The following ANTXR2 variants were observed in gnomAD, a reference collection of about 807,000 sequenced individuals.
The protein encoded by ANTXR2 is anthrax toxin receptor 2.
A neutral mutation model predicts 73.7 loss-of-function variants in ANTXR2; 44 were observed. The ratio of observed to expected loss-of-function variants is 0.60; its 90% CI spans 0.47 to 0.77. The LOEUF (loss-of-function observed/expected upper bound fraction) is 0.77. Among genes scored for constraint, ANTXR2 ranks in the 30% least tolerant of loss-of-function variants. The pLI is 0.00. For missense variants in ANTXR2, 604 were observed against 592.5 expected (o/e 1.02, Z -0.20); for synonymous variants, 217 against 205.9 (o/e 1.05, Z -0.46).
intron 14 of ANTXR2, among the ~76,000 whole-genome samples, chr4:79,983,264 C>T (rs1560937922): frequency 6.6e-6 from 1 of 151,896 alleles, no homozygotes; most frequent in Admixed American, 6.6e-5. Flanking sequence ...TAATATATCA[C>T]TTTGAAAAAA....
intron 3 of ANTXR2, among the ~76,000 whole-genome samples, chr4:80,067,333 G>C (rs892640461): frequency 6.6e-6 from 1 of 152,158 alleles, no homozygotes; most frequent in Non-Finnish European, 1.5e-5. Flanking sequence ...CCTTCCATGC[G>C]TATCTAAGCA....
intron 10 of ANTXR2, among the ~76,000 whole-genome samples, chr4:80,019,190 A>C (rs1484120308): frequency 2.0e-5 from 3 of 152,088 alleles, no homozygotes; most frequent in Admixed American, 1.3e-4. Context: ...AACATAGTGA[A>C]ACCCCATCTC....
At chr4:80,070,143 C>A (rs1277791504) in intron 2 of ANTXR2, among the ~76,000 whole-genome samples, 3 of 152,204 alleles carry the variant, frequency 2.0e-5, no homozygotes, top group Non-Finnish European at 4.4e-5. Context: ...CTCGGACACT[C>A]TCTGCAACTA....
At chr4:79,980,334 T>G (rs1294670104) in intron 14 of ANTXR2, among the ~76,000 whole-genome samples, 1 of 152,134 alleles carries the variant, frequency 6.6e-6, no homozygotes, top group African/African-American at 2.4e-5. Flanking sequence ...TAAAAACAAT[T>G]AAATATACAT....
chr4:79,978,192 A>G lies in ANTXR2; in HGVS notation c.1180-18T>C. The G allele has an allele frequency of 6.2e-7, 1 of 1,612,300 alleles. No individual in the cohort carries two copies. The highest frequency in any genetic ancestry group is 8.5e-7 in the Non-Finnish European group (1 of 1,178,914). On this transcript the variant is annotated intron_variant, in intron 14 of 16. Transcript: ENST00000403729. ...CAACGAACCTGTAAAACAAAGGGAGAGTACTGTTATCAGACATAAAGTGTC... is the reference window on the plus strand; with the variant it reads ...CAACGAACCTGTAAAACAAAGGGAGGGTACTGTTATCAGACATAAAGTGTC...
Position 79,983,952 on chromosome 4 carries a change from G to T in ANTXR2, c.1105C>A (p.Pro369Thr). 1 of 1,597,970 alleles carries T rather than the reference G, an allele frequency of 6.3e-7. No homozygotes were observed. The highest frequency in any genetic ancestry group is 1.2e-5 in the South Asian group (1 of 86,884). The change falls in exon 14 of 17, where the codon CCT (proline) becomes ACT (threonine). Residue 369 changes from proline (P) to threonine (T), a missense_variant. Transcript: ENST00000403729. ...APKEEEEEPL[P>T]TKKWPTVDAS... ...TCCACAGTTGGCCACTTTTTAGTAG[G>T]CAAAGGTTCTTCTTCCTCCTGTGGA...
intron 16 of ANTXR2, among the ~76,000 whole-genome samples, chr4:79,948,622 T>A (rs1006897223): frequency 2.0e-5 from 3 of 152,142 alleles, no homozygotes; most frequent in Non-Finnish European, 4.4e-5. Context: ...ACCCATTCAA[T>A]AAATATACAC....
intron 3 of ANTXR2, among the ~76,000 whole-genome samples, chr4:80,069,231 C>T (rs978316723): frequency 3.3e-5 from 5 of 152,156 alleles, no homozygotes; most frequent in African/African-American, 1.2e-4. Context: ...ACTGCACATT[C>T]CACAGCCACT....
intron 7 of ANTXR2, among the ~76,000 whole-genome samples, chr4:80,049,227 T>G (rs1733663686): frequency 6.6e-6 from 1 of 151,784 alleles, no homozygotes; most frequent in African/African-American, 2.4e-5. Context: ...CTTTCCATAT[T>G]ATTCACCAAT....
At chr4:80,040,137 A>G (rs1238858828) in intron 7 of ANTXR2, among the ~76,000 whole-genome samples, 1 of 151,848 alleles carries the variant, frequency 6.6e-6, no homozygotes, top group Non-Finnish European at 1.5e-5. Context: ...AGGAAGAGAG[A>G]TGAGGGTTGA....
chr4:79,920,873 A>C (rs1246811433), intron 16 of ANTXR2, among the ~76,000 whole-genome samples: 1 of 152,154 alleles, frequency 6.6e-6, no homozygotes, highest in East Asian at 1.9e-4. Flanking sequence ...TGTACAACAC[A>C]AAACAAGCAA....
chr4:79,937,183 A>G (rs4690128), intron 16 of ANTXR2, among the ~76,000 whole-genome samples: 3 of 152,154 alleles, frequency 2.0e-5, no homozygotes, highest in African/African-American at 7.2e-5. Context: ...CATTAAAAAA[A>G]CCAGGTGCCT....
At chr4:80,029,740 T>A (rs1732602395) in intron 10 of ANTXR2, among the ~76,000 whole-genome samples, 1 of 151,788 alleles carries the variant, frequency 6.6e-6, no homozygotes, top group African/African-American at 2.4e-5. Context: ...TAGACTAAGT[T>A]CACATACAGT....
chr4:80,031,813 TA>T (rs1490508262), intron 9 of ANTXR2, 121 bp from the exon 10 acceptor site: 9 of 465,574 alleles, frequency 1.9e-5, no homozygotes, highest in Non-Finnish European at 2.9e-5. Flanking sequence ...TATATTAACA[TA>T]AAAAAACTAA....
At chr4:80,000,712 G>A (rs553610984) in intron 12 of ANTXR2, among the ~76,000 whole-genome samples, 4 of 152,230 alleles carry the variant, frequency 2.6e-5, no homozygotes, top group South Asian at 2.1e-4. Flanking sequence ...TAGAAGGGAT[G>A]TTTCTGACTT....
intron 11 of ANTXR2, among the ~76,000 whole-genome samples, chr4:80,011,019 C>A (rs543133691): frequency 1.3e-5 from 2 of 151,774 alleles, no homozygotes; most frequent in South Asian, 2.1e-4. Flanking sequence ...TGGTGGTGGG[C>A]GCCTGTAGTC....
chr4:80,003,862 TAA>T (rs1167972521), intron 12 of ANTXR2, among the ~76,000 whole-genome samples: 1 of 152,070 alleles, frequency 6.6e-6, no homozygotes, highest in Non-Finnish European at 1.5e-5. Context: ...CAGTTTCCCA[TAA>T]AACTAGATAT....
intron 16 of ANTXR2, among the ~76,000 whole-genome samples, chr4:79,963,495 A>G (rs1030926356): frequency 1.3e-5 from 2 of 152,218 alleles, no homozygotes; most frequent in African/African-American, 4.8e-5. Flanking sequence ...AACTGACAAA[A>G]GTCCTCTCAA....
intron 16 of ANTXR2, among the ~76,000 whole-genome samples, chr4:79,976,080 T>A (rs1425430315): frequency 2.0e-5 from 3 of 151,816 alleles, no homozygotes; most frequent in African/African-American, 4.8e-5. Context: ...GCCCTGCTAA[T>A]TTTTTTTATT....
Sources: gnomAD v4.1 joint callset for allele counts (sites outside exome capture counted in the v4.1 genomes callset) on GRCh38, gnomAD v4.1.1 for gene constraint, MANE v1.5 for transcripts, NCBI Gene and HGNC (gene_info 2026-07-23, HGNC 2026-07-21) for gene names.